The following PARD3 variants were observed in gnomAD, a reference collection of about 807,000 sequenced individuals.
The protein encoded by PARD3 is par-3 family cell polarity regulator, also known as partitioning defective 3 homolog.
A neutral mutation model predicts 155.4 loss-of-function variants in PARD3; 75 were observed. The observed-to-expected ratio is 0.48, with a 90% CI of 0.40 to 0.58. PARD3 has a LOEUF of 0.58. Among genes scored for constraint, PARD3 ranks in the 20% least tolerant of loss-of-function variants. The pLI, the probability that PARD3 is intolerant of heterozygous loss-of-function variation, is 0.00. For synonymous variants in PARD3, 576 were observed against 610.5 expected (o/e 0.94, Z 0.83); for missense variants, 1,642 against 1,721.7 (o/e 0.95, Z 0.82).
At chr10:34,185,832 T>C (rs372941492) in intron 22 of PARD3, among the ~76,000 whole-genome samples, 12,474 of 148,028 alleles carry the variant, frequency 0.084, 1,260 homozygotes, top group African/African-American at 0.24. Flanking sequence ...TATATTATAT[T>C]ATATTATATT....
chr10:34,739,163 T>C (rs528628802), intron 1 of PARD3, among the ~76,000 whole-genome samples: 4 of 152,164 alleles, frequency 2.6e-5, no homozygotes, highest in Non-Finnish European at 5.9e-5. Context: ...GACTGGATCC[T>C]GGCATAGAAA....
chr10:34,601,861 A>T (rs2089810861), intron 2 of PARD3, among the ~76,000 whole-genome samples: 5 of 152,204 alleles, frequency 3.3e-5, no homozygotes, highest in Admixed American at 3.3e-4. Context: ...TGGAGACATC[A>T]TTTGAAACTC....
intron 19 of PARD3, among the ~76,000 whole-genome samples, chr10:34,319,078 CTTTTTTTTT>C (rs34948436): frequency 4.4e-5 from 5 of 114,636 alleles, no homozygotes; most frequent in Non-Finnish European, 8.9e-5. Context: ...TGCACCCAGA[CTTTTTTTTT>C]TTTTTTTTTT....
At chr10:34,347,190 TA>T (rs1440499645) in intron 15 of PARD3, among the ~76,000 whole-genome samples, 1 of 152,386 alleles carries the variant, frequency 6.6e-6, no homozygotes, top group East Asian at 1.9e-4. Flanking sequence ...TGTCAGGTGT[TA>T]TTTTAATCAA....
At chr10:34,137,509 C>T (rs538648847) in intron 22 of PARD3, among the ~76,000 whole-genome samples, 4 of 152,312 alleles carry the variant, frequency 2.6e-5, no homozygotes, top group Admixed American at 6.5e-5. Flanking sequence ...GTGATATAAT[C>T]AATATGTGTT....
intron 2 of PARD3, among the ~76,000 whole-genome samples, chr10:34,630,092 A>C (rs1412684876): frequency 1.3e-5 from 2 of 152,070 alleles, no homozygotes; most frequent in East Asian, 3.9e-4. Flanking sequence ...GGAGGGAGAG[A>C]GGAAATGGAG....
At chr10:34,475,859 A>G (rs1779142277) in intron 3 of PARD3, among the ~76,000 whole-genome samples, 1 of 152,152 alleles carries the variant, frequency 6.6e-6, no homozygotes, top group African/African-American at 2.4e-5. Flanking sequence ...TGTGTCACTC[A>G]TTTTTAATAA....
chr10:34,364,744 C>T (rs1839805738), intron 12 of PARD3, among the ~76,000 whole-genome samples: 1 of 152,060 alleles, frequency 6.6e-6, no homozygotes, highest in African/African-American at 2.4e-5. Context: ...GAGTTATTAG[C>T]AAATAGCTAG....
At chr10:34,114,752 G>A (rs1946573499) in intron 24 of PARD3, among the ~76,000 whole-genome samples, 1 of 152,198 alleles carries the variant, frequency 6.6e-6, no homozygotes, top group South Asian at 2.1e-4. Context: ...TACTAAGCGA[G>A]GGCAACTTTG....
chr10:34,734,374 C>T (rs1038087998), intron 1 of PARD3, among the ~76,000 whole-genome samples: 2 of 133,644 alleles, frequency 1.5e-5, no homozygotes, highest in African/African-American at 2.9e-5. Context: ...CTCGCTCTGT[C>T]GCCCAGGCTG....
chr10:34,137,437 G>A (rs888649906), intron 22 of PARD3, among the ~76,000 whole-genome samples: 9 of 152,198 alleles, frequency 5.9e-5, no homozygotes, highest in East Asian at 3.9e-4. Context: ...ATTGCACCCC[G>A]AGGGAGACCC....
intron 2 of PARD3, among the ~76,000 whole-genome samples, chr10:34,626,701 AC>A (rs1016857820): frequency 3.3e-5 from 5 of 152,234 alleles, no homozygotes; most frequent in Non-Finnish European, 7.3e-5. Context: ...CAAGGAACTG[AC>A]AAAACACACA....
chr10:34,456,195 C>T (rs1392420262), intron 4 of PARD3, among the ~76,000 whole-genome samples: 4 of 152,184 alleles, frequency 2.6e-5, no homozygotes, highest in Admixed American at 6.5e-5. Flanking sequence ...GAGTCTGCAA[C>T]CAGAAACACT....
chr10:34,337,253 G>A, intron 17 of PARD3, 22 bp downstream of exon 17: 2 of 1,469,172 alleles, frequency 1.4e-6, no homozygotes, highest in South Asian at 1.4e-5. Context: ...TTTAGATAAA[G>A]ATTCATGGAG....
At chr10:34,628,258 C>T (rs2092082629) in intron 2 of PARD3, among the ~76,000 whole-genome samples, 1 of 152,190 alleles carries the variant, frequency 6.6e-6, no homozygotes, top group South Asian at 2.1e-4. Context: ...TAAGCTCAAG[C>T]ACATACTCTG....
intron 2 of PARD3, among the ~76,000 whole-genome samples, chr10:34,695,821 G>A (rs867061416): frequency 2.0e-5 from 3 of 151,740 alleles, no homozygotes; most frequent in Non-Finnish European, 2.9e-5. Flanking sequence ...TGAGCTTCCT[G>A]AGGGCCAGGC....
intron 19 of PARD3, 85 bp downstream of exon 19, chr10:34,331,032 T>C (rs1835563589): frequency 4.1e-6 from 4 of 966,698 alleles, no homozygotes; most frequent in East Asian, 5.0e-5. Flanking sequence ...TGAAGAATCT[T>C]AGAAAACTCC....
At chr10:34,647,785 G>A (rs146372870) in intron 2 of PARD3, among the ~76,000 whole-genome samples, 9 of 152,214 alleles carry the variant, frequency 5.9e-5, no homozygotes, top group African/African-American at 1.4e-4. Flanking sequence ...GAGAGAAATC[G>A]TAGGGTAGGT....
In PARD3 at chr10:34,200,115, A is replaced by G. The variant is rs534957170; in HGVS notation, c.3420-68532T>C. On this transcript the variant is annotated intron_variant, in intron 22 of 24. Transcript: ENST00000374788. ...GTTACAAATAACAATCATAATCACA[A>G]TTGATCTCTAGTTATGTTAAGTGGC... 8.5e-5 allele frequency among the ~76,000 whole-genome samples: 13 copies of G among 152,342 alleles called. No homozygotes were observed. The East Asian group carries it at 1.3e-3, about 16-fold the overall frequency.
Sources: allele counts gnomAD v4.1 joint callset (sites outside exome capture counted in the v4.1 genomes callset), GRCh38; gene constraint gnomAD v4.1.1; transcripts MANE v1.5; gene names NCBI Gene and HGNC (gene_info 2026-07-23, HGNC 2026-07-21).